AGK: variants seen among roughly 807,000 people sequenced by gnomAD.
AGK encodes acylglycerol kinase, mitochondrial.
A neutral mutation model predicts 66.4 loss-of-function variants in AGK; 52 were observed. That is an observed-to-expected ratio of 0.78 (90% CI 0.63 to 0.99). The LOEUF (loss-of-function observed/expected upper bound fraction) is 0.99, where lower values mean the gene tolerates loss of function less well. Among genes scored for constraint, AGK ranks in the 50% least tolerant of loss-of-function variants. The pLI is 0.00. For synonymous variants in AGK, 182 were observed against 181.1 expected (o/e 1.00, Z -0.04); for missense variants, 451 against 506.6 (o/e 0.89, Z 1.05).
At chr7:141,577,562 CAG>C (rs993975234) in intron 2 of AGK, among the ~76,000 whole-genome samples, 1 of 152,112 alleles carries the variant, frequency 6.6e-6, no homozygotes, top group Non-Finnish European at 1.5e-5. Context: ...TAAAGGGAAA[CAG>C]GGACTGTCAG....
chr7:141,554,338 TAAAAA>T (rs77673587), intron 1 of AGK, among the ~76,000 whole-genome samples: 1 of 126,826 alleles, frequency 7.9e-6, no homozygotes, highest in Non-Finnish European at 1.7e-5. Flanking sequence ...AGACCCTGTC[TAAAAA>T]AAAAAAAAAA....
chr7:141,573,880 G>T (rs1306948577), intron 2 of AGK, among the ~76,000 whole-genome samples: 1 of 151,840 alleles, frequency 6.6e-6, no homozygotes, highest in African/African-American at 2.4e-5. Flanking sequence ...CAATGTGCAG[G>T]TTAGTTACAT....
intron 5 of AGK, among the ~76,000 whole-genome samples, chr7:141,610,611 TGC>T (rs373264666): frequency 2.6e-4 from 39 of 152,342 alleles, no homozygotes; most frequent in African/African-American, 8.9e-4. Flanking sequence ...TTTTATTTAG[TGC>T]AATACCAGTT....
intron 3 of AGK, chr7:141,593,472 C>A: frequency 1.5e-6 from 1 of 676,892 alleles, no homozygotes; most frequent in African/African-American, 1.8e-5. Flanking sequence ...TTGTTTGTGT[C>A]TGCAGTTGTC....
In AGK at chr7:141,590,338, CT is replaced by C. The variant is rs577706752; in HGVS notation, c.102-2804del. Among the ~76,000 whole-genome samples, 107 of 152,222 alleles carry C rather than the reference CT, an allele frequency of 7.0e-4. 2 individuals carry two copies. The highest frequency in any genetic ancestry group is 4.8e-3 in the South Asian group (23 of 4,816). ...GCAGGATATAGAGATGGGATTGTAG[CT>C]TTTACAGAAGCATAGAGGGCTTGTG... On this transcript the variant is annotated intron_variant, in intron 2 of 15. Transcript: ENST00000649286.
chr7:141,557,799 T>C (rs373640763), intron 2 of AGK, among the ~76,000 whole-genome samples: 1 of 152,234 alleles, frequency 6.6e-6, no homozygotes, highest in African/African-American at 2.4e-5. Flanking sequence ...TTTCTCAGAC[T>C]GTTCTCTTGC....
intron 4 of AGK, 28 bp downstream of exon 4, chr7:141,596,669 C>T (rs1207689668): frequency 6.3e-7 from 1 of 1,594,232 alleles, no homozygotes; most frequent in Admixed American, 1.7e-5. Context: ...TTGTTATATA[C>T]TTGCTTTTTC....
chr7:141,609,440 A>T (rs1421259760), intron 5 of AGK, among the ~76,000 whole-genome samples: 1 of 152,224 alleles, frequency 6.6e-6, no homozygotes, highest in Non-Finnish European at 1.5e-5. Context: ...TTAGTTTACC[A>T]GTATATTATA....
chr7:141,573,339 A>G (rs1587075535), intron 2 of AGK, among the ~76,000 whole-genome samples: 2 of 152,284 alleles, frequency 1.3e-5, no homozygotes, highest in Non-Finnish European at 2.9e-5. Flanking sequence ...TAGATTATCC[A>G]GAAAGCAGAT....
intron 2 of AGK, among the ~76,000 whole-genome samples, chr7:141,579,867 G>T (rs1253453876): frequency 6.6e-6 from 1 of 151,960 alleles, no homozygotes; most frequent in Admixed American, 6.5e-5. Context: ...TTAATAAGTG[G>T]AAGTTTCAGT....
At chr7:141,605,544 G>A (rs568447419) in intron 5 of AGK, among the ~76,000 whole-genome samples, 6 of 151,852 alleles carry the variant, frequency 4.0e-5, no homozygotes, top group African/African-American at 7.3e-5. Flanking sequence ...CTTTATTCTC[G>A]TTTATTGATG....
At chr7:141,553,111 G>T (rs2116839186) in intron 1 of AGK, among the ~76,000 whole-genome samples, 1 of 152,272 alleles carries the variant, frequency 6.6e-6, no homozygotes, top group East Asian at 1.9e-4. Context: ...ATGGTTGAGT[G>T]CATGGTGATA....
chr7:141,621,445 T>C (rs1438543747), intron 8 of AGK, among the ~76,000 whole-genome samples: 1 of 152,172 alleles, frequency 6.6e-6, no homozygotes, highest in African/African-American at 2.4e-5. Context: ...CAATGGTAAA[T>C]AGGAGTCAGG....
In AGK at chr7:141,652,931, G is replaced by A; in HGVS notation, c.*7G>A. On this transcript the variant is annotated 3_prime_UTR_variant, in exon 16 of 16. Transcript: ENST00000649286. ...CACAAGCCCCACCCAGTGAGCAGCA[G>A]AAGACAAGCACTCTGAGACCACACT... 2 of 1,613,770 alleles carry A rather than the reference G, an allele frequency of 1.2e-6. No individual in the cohort carries two copies. The highest frequency in any genetic ancestry group is 1.7e-6 in the Non-Finnish European group (2 of 1,179,944).
rs1453321260 is a variant in AGK at position 141,641,903 on chromosome 7, C to A, written c.970C>A (p.Pro324Thr). The change falls in exon 13 of 16, where the codon CCG becomes ACG. Residue 324 changes from proline (P) to threonine (T), a missense_variant. Physicochemically the swap from Pro to Thr is conservative, Grantham distance 38. Coordinates refer to ENST00000649286, the MANE Select transcript of AGK (RefSeq NM_018238.4). ...CACAACACGGAATAATCAGCTTGAC[C>A]CGACAGTAAGTGTGCTTTTTTATTA... The part of the protein sequence containing the change: ...SITTRNNQLD[P>T]TSKEDFLNIC... The A allele has an allele frequency of 2.5e-6, 4 of 1,575,188 alleles. No individual in the cohort carries two copies. In the South Asian group the frequency reaches 4.7e-5, roughly 18 times the overall value.
chr7:141,562,238 G>C (rs775526355), intron 2 of AGK: 1 of 451,996 alleles, frequency 2.2e-6, no homozygotes, highest in African/African-American at 2.0e-5. Flanking sequence ...TCTCCTTCTC[G>C]GGAGCAGTGT....
intron 8 of AGK, among the ~76,000 whole-genome samples, chr7:141,620,681 A>C (rs1258756995): frequency 2.0e-5 from 3 of 152,214 alleles, no homozygotes; most frequent in Non-Finnish European, 4.4e-5. Flanking sequence ...GTCCCAGTCT[A>C]CTGGGATCCA....
intron 7 of AGK, 114 bp downstream of exon 7, chr7:141,614,292 G>A: frequency 1.4e-6 from 1 of 728,208 alleles, no homozygotes; most frequent in African/African-American, 1.9e-5. Context: ...TACAAATTGT[G>A]CTTTCTTGAA....
intron 3 of AGK, among the ~76,000 whole-genome samples, chr7:141,595,820 C>A (rs1313019023): frequency 6.6e-6 from 1 of 152,174 alleles, no homozygotes; most frequent in Non-Finnish European, 1.5e-5. Context: ...CCTTGATCCT[C>A]TCTTTAGAGC....
Sources: gnomAD v4.1 joint callset for allele counts (sites outside exome capture counted in the v4.1 genomes callset) on GRCh38, gnomAD v4.1.1 for gene constraint, MANE v1.5 for transcripts, NCBI Gene and HGNC (gene_info 2026-07-23, HGNC 2026-07-21) for gene names.